The following HDAC9 variants were observed in gnomAD, a reference collection of about 807,000 sequenced individuals.
HDAC9 encodes MEF-2 interacting transcription repressor (MITR) protein.
A neutral mutation model predicts 139.4 loss-of-function variants in HDAC9; 41 were observed. The observed-to-expected ratio is 0.29, with a 90% CI of 0.23 to 0.38. The LOEUF (loss-of-function observed/expected upper bound fraction) is 0.38. Ranked by LOEUF, HDAC9 falls within the 10% of genes least tolerant of loss-of-function variation. The probability of loss-of-function intolerance (pLI) is 1.00; values close to 1 mark genes in which losing one functional copy is unlikely to be tolerated. For synonymous variants in HDAC9, 517 were observed against 476.2 expected (o/e 1.09, Z -1.12); for missense variants, 1,147 against 1,297.0 (o/e 0.88, Z 1.78).
chr7:18,660,423 T>A (rs1385891370), intron 11 of HDAC9, among the ~76,000 whole-genome samples: 1 of 152,192 alleles, frequency 6.6e-6, no homozygotes, highest in Non-Finnish European at 1.5e-5. Flanking sequence ...TGACTTTGTT[T>A]TGTAACGTAG....
At chr7:18,147,535 A>T (rs1391224664) in intron 1 of HDAC9, among the ~76,000 whole-genome samples, 2 of 152,122 alleles carry the variant, frequency 1.3e-5, no homozygotes, top group Non-Finnish European at 2.9e-5. Context: ...TTATTTTTTT[A>T]TTATGAAATA....
intron 2 of HDAC9, among the ~76,000 whole-genome samples, chr7:18,551,182 A>G (rs773972389): frequency 2.0e-5 from 3 of 152,180 alleles, no homozygotes; most frequent in Non-Finnish European, 2.9e-5. Flanking sequence ...CCAACAACCA[A>G]TATGGAGAAG....
At chr7:18,153,770 G>A (rs1372405541) in intron 1 of HDAC9, among the ~76,000 whole-genome samples, 1 of 152,158 alleles carries the variant, frequency 6.6e-6, no homozygotes, top group African/African-American at 2.4e-5. Context: ...GCCAATGTGG[G>A]TCTTGGCTGG....
intron 25 of HDAC9, among the ~76,000 whole-genome samples, chr7:18,991,260 G>T (rs1302772158): frequency 6.6e-6 from 1 of 152,136 alleles, no homozygotes; most frequent in Non-Finnish European, 1.5e-5. Context: ...ATGAGGAAAT[G>T]AAAGAACATA....
intron 21 of HDAC9, among the ~76,000 whole-genome samples, chr7:18,870,975 G>A (rs890521127): frequency 5.9e-5 from 9 of 152,078 alleles, no homozygotes; most frequent in African/African-American, 1.9e-4. Context: ...ACTAATTTTG[G>A]TATCCATCCT....
chr7:18,275,033 C>G (rs2128216542), intron 2 of HDAC9, among the ~76,000 whole-genome samples: 1 of 152,330 alleles, frequency 6.6e-6, no homozygotes, highest in South Asian at 2.1e-4. Flanking sequence ...TCCTGAACTT[C>G]AGGCATGTAT....
intron 25 of HDAC9, among the ~76,000 whole-genome samples, chr7:18,991,745 T>G (rs1185147888): frequency 6.6e-6 from 1 of 152,258 alleles, no homozygotes; most frequent in Non-Finnish European, 1.5e-5. Flanking sequence ...CTTTTGTGGC[T>G]TACTAAAATT....
intron 22 of HDAC9, among the ~76,000 whole-genome samples, chr7:18,878,620 A>G (rs1799498315): frequency 6.6e-6 from 1 of 152,156 alleles, no homozygotes; most frequent in African/African-American, 2.4e-5. Context: ...CCCCTTCTTG[A>G]TAACAACTCT....
At chr7:18,570,630 G>T (rs978459021) in intron 2 of HDAC9, among the ~76,000 whole-genome samples, 1 of 152,162 alleles carries the variant, frequency 6.6e-6, no homozygotes, top group African/African-American at 2.4e-5. Flanking sequence ...TCTAATTCCT[G>T]TTGTACCTGT....
chr7:18,326,562 T>C (rs1337419474), intron 1 of HDAC9, among the ~76,000 whole-genome samples: 2 of 152,040 alleles, frequency 1.3e-5, no homozygotes, highest in African/African-American at 4.8e-5. Flanking sequence ...CCATAACTTC[T>C]GAGCTCAGAA....
At chr7:18,297,042 A>G (rs937318578) in intron 1 of HDAC9, among the ~76,000 whole-genome samples, 1 of 152,164 alleles carries the variant, frequency 6.6e-6, no homozygotes, top group Non-Finnish European at 1.5e-5. Context: ...TGGGCAATTC[A>G]AGATAGAGAC....
At chr7:18,155,887 G>A (rs959200259) in intron 1 of HDAC9, among the ~76,000 whole-genome samples, 2 of 152,168 alleles carry the variant, frequency 1.3e-5, no homozygotes, top group African/African-American at 4.8e-5. Context: ...AGAGCAGCAG[G>A]TGTCTGTTAC....
At chr7:18,785,111 A>G (rs1791599835) in intron 16 of HDAC9, among the ~76,000 whole-genome samples, 1 of 152,156 alleles carries the variant, frequency 6.6e-6, no homozygotes, top group African/African-American at 2.4e-5. Context: ...CCTTTGGCGT[A>G]TTAAGGAGTG....
chr7:18,877,935 A>T (rs965021630), intron 22 of HDAC9, among the ~76,000 whole-genome samples: 1 of 152,164 alleles, frequency 6.6e-6, no homozygotes, highest in African/African-American at 2.4e-5. Context: ...CTTACTTAGT[A>T]TCAGTGCTGC....
rs185636024 is a variant in HDAC9, at chr7:18,357,635, G to A, written c.-42+67120G>A. Among the ~76,000 whole-genome samples, 7 of 152,166 alleles carry A rather than the reference G, an allele frequency of 4.6e-5. No homozygotes were observed. In the East Asian group the frequency reaches 7.7e-4, roughly 17 times the overall value. On this transcript the variant is annotated intron_variant, in intron 1 of 3. Transcript: ENST00000413509. Reference sequence around the variant, plus strand: ...GTCAGTAAGTATATATAACCTTTGGGGCCAACTTTAGGCTAGAGAGTTAGG... The same window carrying A: ...GTCAGTAAGTATATATAACCTTTGGAGCCAACTTTAGGCTAGAGAGTTAGG...
chr7:18,103,959 AACCAGCCCCGGACAGGATGCCATCCC>A, intron 1 of HDAC9, among the ~76,000 whole-genome samples: 1 of 152,318 alleles, frequency 6.6e-6, no homozygotes, highest in Middle Eastern at 3.4e-3. Context: ...ACCAGTTGGG[AACCAGCCCCGGACAGGATGCCATCCC>A]ATCTCAGGGA....
intron 1 of HDAC9, among the ~76,000 whole-genome samples, chr7:18,128,228 G>C (rs977578711): frequency 2.0e-5 from 3 of 152,042 alleles, no homozygotes; most frequent in African/African-American, 7.2e-5. Flanking sequence ...GGGTAAATCA[G>C]TAGGATTGTT....
chr7:18,486,428 G>C (rs1291774913), intron 1 of HDAC9, among the ~76,000 whole-genome samples: 1 of 152,020 alleles, frequency 6.6e-6, no homozygotes, highest in African/African-American at 2.4e-5. Flanking sequence ...TCTCTTTAAA[G>C]CTGAAAAGAC....
At position 18,741,727 on chromosome 7, in the gene HDAC9, T is replaced by C. The variant is rs191587777; in HGVS notation, c.1910-7278T>C. 4.3e-4 allele frequency among the ~76,000 whole-genome samples: 66 copies of C among 152,314 alleles called. No homozygotes were observed. In the East Asian group the frequency reaches 0.011, roughly 24 times the overall value. On this transcript the variant is annotated intron_variant, in intron 13 of 25. Coordinates refer to ENST00000686413, the MANE Select transcript of HDAC9 (RefSeq NM_178425.4). ...ATTCCCTTGATGGGTCTGAGCAATG[T>C]ACATTGAAACCTTCTGGAAAGGATT...
Sources: gnomAD v4.1 joint callset for allele counts (sites outside exome capture counted in the v4.1 genomes callset) on GRCh38, gnomAD v4.1.1 for gene constraint, MANE v1.5 for transcripts, NCBI Gene and HGNC (gene_info 2026-07-23, HGNC 2026-07-21) for gene names.